LGSN: variants seen among roughly 807,000 people sequenced by gnomAD.
LGSN encodes the protein lengsin, lens protein with glutamine synthetase domain.
A neutral mutation model predicts 19.5 loss-of-function variants in LGSN; 21 were observed. The ratio of observed to expected loss-of-function variants is 1.07; its 90% confidence interval spans 0.76 to 1.55. The LOEUF is 1.55. LGSN is among the 40% of genes most tolerant of loss of function. The pLI, the probability that LGSN is intolerant of heterozygous loss-of-function variation, is 0.00. For synonymous variants in LGSN, 257 were observed against 215.6 expected (o/e 1.19, Z -1.68); for missense variants, 673 against 608.5 (o/e 1.11, Z -1.12).
the LGSN span, among the ~76,000 whole-genome samples, chr6:63,534,436 A>G: frequency 7.1e-6 from 1 of 141,660 alleles, no homozygotes; most frequent in Non-Finnish European, 1.5e-5. Context: ...AGAAGCCATC[A>G]CCACACACAC....
the LGSN span, among the ~76,000 whole-genome samples, chr6:63,372,690 T>A: frequency 6.6e-6 from 1 of 152,152 alleles, no homozygotes; most frequent in East Asian, 1.9e-4. Flanking sequence ...AAGGACTATA[T>A]CAGCAAAGTC....
chr6:63,398,866 C>G, the LGSN span, among the ~76,000 whole-genome samples: 3 of 152,066 alleles, frequency 2.0e-5, no homozygotes, highest in Non-Finnish European at 4.4e-5. Flanking sequence ...TCCTGTTACC[C>G]AGGCTAAAGT....
chr6:63,504,397 A>T, the LGSN span, among the ~76,000 whole-genome samples: 1 of 152,072 alleles, frequency 6.6e-6, no homozygotes, highest in Non-Finnish European at 1.5e-5. Flanking sequence ...GCCCACCACC[A>T]CGCCCAGCTA....
chr6:63,326,769 G>A, the LGSN span, among the ~76,000 whole-genome samples: 457 of 152,270 alleles, frequency 3.0e-3, 3 homozygotes, highest in African/African-American at 0.01. Context: ...CCAAGCCCAC[G>A]CCCACCCAGA....
chr6:63,536,911 A>G, the LGSN span, among the ~76,000 whole-genome samples: 2 of 152,202 alleles, frequency 1.3e-5, no homozygotes, highest in Non-Finnish European at 2.9e-5. Flanking sequence ...CCTCAAAGCA[A>G]AAAGCTCTAT....
At chr6:63,540,759 G>A in the LGSN span, among the ~76,000 whole-genome samples, 319 of 151,962 alleles carry the variant, frequency 2.1e-3, no homozygotes, top group Non-Finnish European at 2.6e-3. Flanking sequence ...GGTTATGAGG[G>A]TGGCGGGGAG....
the LGSN span, among the ~76,000 whole-genome samples, chr6:63,361,333 A>G: frequency 1.3e-5 from 2 of 151,868 alleles, no homozygotes; most frequent in African/African-American, 2.4e-5. Context: ...TGCTTTGTTT[A>G]CCTACTCAAG....
chr6:63,288,269 ATAAT>A (rs1277086842), intron 2 of LGSN, among the ~76,000 whole-genome samples: 1 of 88,176 alleles, frequency 1.1e-5, no homozygotes, highest in Non-Finnish European at 3.2e-5. Context: ...AAATAAATAA[ATAAT>A]AATAATATTC....
Position 63,280,161 on chromosome 6 carries a change from CA to C in LGSN, c.1389del (p.Val464TrpfsTer9). ...SEIPLKLEDA[L>X]VALEEDQCLR... ...AGGCATTGATCTTCTTCCAGTGCCA[CA>C]AGGGCATCTTCTAGTTTTAAAGGGA... is the stretch of plus-strand genomic sequence containing the variant. On this transcript the variant is annotated frameshift_variant, in exon 4 of 4. Transcript: ENST00000370657. LOFTEE classifies it high-confidence loss of function. 6.2e-7 allele frequency: 1 copy of C among 1,614,230 alleles called. No individual in the cohort carries two copies. Among genetic ancestry groups the C allele is most frequent in the Admixed American group, 1.7e-5 (1 of 60,034 alleles).
At chr6:63,538,565 T>C in the LGSN span, among the ~76,000 whole-genome samples, 12 of 152,318 alleles carry the variant, frequency 7.9e-5, no homozygotes, top group African/African-American at 2.9e-4. Flanking sequence ...ATTTTGAAAC[T>C]TGGTCCAAGC....
At chr6:63,285,814 A>G (rs921343884) in intron 2 of LGSN, 61 bp from the exon 3 acceptor site, 1 of 1,279,268 alleles carries the variant, frequency 7.8e-7, no homozygotes, top group Admixed American at 1.8e-5. Context: ...AAGCAAAAGG[A>G]GACTGGAGAC....
chr6:63,362,653 G>T, the LGSN span, among the ~76,000 whole-genome samples: 1 of 152,204 alleles, frequency 6.6e-6, no homozygotes, highest in South Asian at 2.1e-4. Context: ...TGGGGGAGGG[G>T]TATCCACCAT....
At chr6:63,334,863 G>A in the LGSN span, among the ~76,000 whole-genome samples, 1 of 152,118 alleles carries the variant, frequency 6.6e-6, no homozygotes, top group African/African-American at 2.4e-5. Flanking sequence ...ATTGGGCTGG[G>A]CGCAGTGGCT....
the LGSN span, among the ~76,000 whole-genome samples, chr6:63,328,280 T>C: frequency 2.6e-5 from 4 of 152,204 alleles, no homozygotes; most frequent in African/African-American, 9.7e-5. Context: ...TAAGAGATCA[T>C]CTTGGGCGGC....
At chr6:63,560,414 T>C in the LGSN span, among the ~76,000 whole-genome samples, 13 of 151,514 alleles carry the variant, frequency 8.6e-5, no homozygotes, top group Middle Eastern at 3.4e-3. Context: ...TTTTTTTTTT[T>C]TTCTTGAGAC....
the LGSN span, among the ~76,000 whole-genome samples, chr6:63,504,243 TC>T: frequency 9.6e-6 from 1 of 104,160 alleles, no homozygotes; most frequent in Non-Finnish European, 1.8e-5. Flanking sequence ...TTCAAGCGAT[TC>T]TTTTTTTTTT....
the LGSN span, among the ~76,000 whole-genome samples, chr6:63,534,182 C>T: frequency 6.6e-6 from 1 of 151,916 alleles, no homozygotes; most frequent in Non-Finnish European, 1.5e-5. Context: ...CCATTCATCA[C>T]AAATTGAACA....
At chr6:63,480,939 T>TGAGATA in the LGSN span, among the ~76,000 whole-genome samples, 3 of 20,828 alleles carry the variant, frequency 1.4e-4, no homozygotes, top group Admixed American at 4.5e-4. Context: ...ATAAAGAAAA[T>TGAGATA]GATATATATA....
chr6:63,519,462 G>C, the LGSN span, among the ~76,000 whole-genome samples: 1 of 152,300 alleles, frequency 6.6e-6, no homozygotes, highest in South Asian at 2.1e-4. Flanking sequence ...ATGTGAAACT[G>C]TACTATGTCC....
Sources: gnomAD v4.1 joint callset for allele counts (sites outside exome capture counted in the v4.1 genomes callset) on GRCh38, gnomAD v4.1.1 for gene constraint, MANE v1.5 for transcripts, NCBI Gene and HGNC (gene_info 2026-07-23, HGNC 2026-07-21) for gene names.